Variants in AMPD3 observed in about 807,000 individuals in gnomAD.
AMPD3 encodes AMP deaminase 3.
Under a neutral mutation model 82.3 loss-of-function variants are expected in AMPD3, and 57 were observed. The ratio of observed to expected loss-of-function variants is 0.69; its 90% CI spans 0.56 to 0.86. The LOEUF is 0.86. AMPD3 is among the 40% of genes least tolerant of loss of function. The pLI is 0.00. For synonymous variants in AMPD3, 381 were observed against 394.7 expected (o/e 0.97, Z 0.41); for missense variants, 870 against 1,003.8 (o/e 0.87, Z 1.80).
At position 10,505,963 on chromosome 11, in the gene AMPD3, C is replaced by A; in HGVS notation, c.*79C>A. 1 of 1,541,214 alleles carries A rather than the reference C, an allele frequency of 6.5e-7. No homozygotes were observed. The highest frequency in any genetic ancestry group is 8.9e-7 in the Non-Finnish European group (1 of 1,120,130). On this transcript the variant is annotated 3_prime_UTR_variant, in exon 15 of 15. Transcript: ENST00000396553. ...GGCTAATAGTGGTCAAGATTCCGAACTAGGACTTTCCTCTGTGAAGAGGAT... is the reference window on the plus strand; with the variant it reads ...GGCTAATAGTGGTCAAGATTCCGAAATAGGACTTTCCTCTGTGAAGAGGAT...
At chr11:10,457,916 G>A (rs1449650394) in intron 1 of AMPD3, among the ~76,000 whole-genome samples, 1 of 148,780 alleles carries the variant, frequency 6.7e-6, no homozygotes, top group Non-Finnish European at 1.5e-5. Context: ...ATAAATGCAT[G>A]CTTCATGAGC....
chr11:10,503,883 C>G (rs1423337653), intron 13 of AMPD3: 2 of 878,752 alleles, frequency 2.3e-6, no homozygotes, highest in Admixed American at 6.2e-5. Context: ...TCTTAGGACC[C>G]TCAGGGGTCC....
chr11:10,464,592 G>A (rs888477531), intron 2 of AMPD3, among the ~76,000 whole-genome samples: 7 of 152,108 alleles, frequency 4.6e-5, no homozygotes, highest in Non-Finnish European at 1.0e-4. Context: ...CAAAGCTCCC[G>A]CTCTGTCCAT....
upstream of AMPD3, among the ~76,000 whole-genome samples, chr11:10,453,802 T>C (rs1848018645): frequency 6.6e-6 from 1 of 152,108 alleles, no homozygotes; most frequent in African/African-American, 2.4e-5. Context: ...TTGGCTAGGA[T>C]GGTCTCAATC....
At position 10,482,189 on chromosome 11, in the gene AMPD3, C is replaced by A. The variant is rs11042836; in HGVS notation, c.553C>A (p.Arg185=). The change falls in exon 4 of 15, where the codon CGG becomes AGG. Residue 185 remains arginine (R), a synonymous_variant. Coordinates refer to ENST00000396553, the MANE Select transcript of AMPD3 (RefSeq NM_001025389.2). ...CACATCCCAGTACCTGGGTCATCCG[C>A]GGGCGGATACTGCACCTCCGGAAGA... ...RITSQYLGHP[R]ADTAPPEEGL... The A allele has an allele frequency of 6.2e-7, 1 of 1,613,274 alleles. No homozygotes were observed. Among genetic ancestry groups the A allele is most frequent in the Admixed American group, 1.7e-5 (1 of 60,030 alleles).
At chr11:10,467,814 A>G (rs999256173) in intron 2 of AMPD3, among the ~76,000 whole-genome samples, 2 of 152,240 alleles carry the variant, frequency 1.3e-5, no homozygotes, top group Non-Finnish European at 2.9e-5. Context: ...CTAACAGCAG[A>G]TCTCTCTGCA....
intron 2 of AMPD3, among the ~76,000 whole-genome samples, chr11:10,471,933 A>G (rs1466874070): frequency 7.2e-5 from 11 of 152,220 alleles, no homozygotes; most frequent in Middle Eastern, 3.2e-3. Context: ...TTGACCCAGC[A>G]ATCCCATTAC....
chr11:10,461,104 A>ATCTC, intron 1 of AMPD3: 4 of 1,181,208 alleles, frequency 3.4e-6, no homozygotes, highest in Admixed American at 3.8e-5. Flanking sequence ...TGGGGGAGTG[A>ATCTC]GGTTTGATTA....
chr11:10,485,161 G>A lies in AMPD3; in HGVS notation c.809+122G>A, dbSNP rs184094851. The A allele has an allele frequency of 1.1e-5, 10 of 892,692 alleles. No individual in the cohort carries two copies. The East Asian group carries it at 1.3e-4, about 12-fold the overall frequency. The allele number at this position is 892,692 out of a possible 1,614,324, so 55.3% of individuals were successfully genotyped here. On this transcript the variant is annotated intron_variant, in intron 5 of 14. Transcript: ENST00000396553. ...GTACTTAAAGCATCCCAGAAAGAGC[G>A]CGGTTTCTCCTTTCCTCAGTGCTTT...
intron 3 of AMPD3, among the ~76,000 whole-genome samples, chr11:10,479,581 A>T (rs1388958194): frequency 6.6e-6 from 1 of 152,254 alleles, no homozygotes; most frequent in African/African-American, 2.4e-5. Flanking sequence ...GGTATCAATT[A>T]TTCAGCCACC....
At chr11:10,472,939 G>A (rs1418186058) in intron 2 of AMPD3, among the ~76,000 whole-genome samples, 1 of 152,156 alleles carries the variant, frequency 6.6e-6, no homozygotes, top group Non-Finnish European at 1.5e-5. Flanking sequence ...GAGAGTCAAA[G>A]GTTTCAGAAA....
chr11:10,495,935 G>C lies in AMPD3; in HGVS notation c.1430+202G>C, dbSNP rs201020116. On this transcript the variant is annotated intron_variant, in intron 9 of 14. Coordinates refer to ENST00000396553, the MANE Select transcript of AMPD3 (RefSeq NM_001025389.2). ...AGAGCTCTTTTTTTTTTTTTTTTTT[G>C]AGACAGAGTCTCACTCTGTCACCCA... is the stretch of plus-strand genomic sequence containing the variant. Among the ~76,000 whole-genome samples the C allele has an allele frequency of 6.3e-5, 5 of 79,988 alleles. No individual in the cohort carries two copies. In the South Asian group the frequency reaches 2.2e-3, roughly 35 times the overall value. 52.5% of individuals were successfully genotyped at this position (79,988 alleles called of 152,430 possible). A position where few individuals can be genotyped will look rare whatever the true frequency, so the allele number is the denominator to read the frequency against.
chr11:10,499,702 C>T (rs565515278), intron 10 of AMPD3: 41 of 985,192 alleles, frequency 4.2e-5, no homozygotes, highest in Non-Finnish European at 4.7e-5. Flanking sequence ...CATCGCTTGT[C>T]GCTGCTGCTG....
intron 2 of AMPD3, among the ~76,000 whole-genome samples, chr11:10,471,428 G>A (rs1848586456): frequency 1.3e-5 from 2 of 152,146 alleles, no homozygotes; most frequent in Admixed American, 1.3e-4. Flanking sequence ...AAAAGCCATG[G>A]CAACAAAAGC....
At chr11:10,457,787 C>A (rs766783796) in intron 1 of AMPD3, among the ~76,000 whole-genome samples, 1 of 152,100 alleles carries the variant, frequency 6.6e-6, no homozygotes, top group African/African-American at 2.4e-5. Context: ...CCCAGCTACT[C>A]GGGAGGCTGA....
chr11:10,497,232 T>C (rs1461459211), intron 10 of AMPD3, among the ~76,000 whole-genome samples: 1 of 151,776 alleles, frequency 6.6e-6, no homozygotes, highest in Non-Finnish European at 1.5e-5. Context: ...ACTCGGTTCC[T>C]GCCAGGTGGG....
chr11:10,497,903 C>T (rs1156430486), intron 10 of AMPD3: 12 of 935,724 alleles, frequency 1.3e-5, no homozygotes, highest in Non-Finnish European at 1.5e-5. Context: ...TAACAGTAAG[C>T]GGAATTATTA....
chr11:10,484,442 A>G (rs1849003904), intron 4 of AMPD3: 2 of 985,330 alleles, frequency 2.0e-6, no homozygotes, highest in African/African-American at 3.5e-5. Context: ...GCTCTTTTTA[A>G]TATTCCTGGA....
At chr11:10,459,612 T>A (rs1321854385) in intron 1 of AMPD3, among the ~76,000 whole-genome samples, 2 of 152,154 alleles carry the variant, frequency 1.3e-5, no homozygotes, top group East Asian at 3.9e-4. Flanking sequence ...TTAAACCAAC[T>A]TTAAAGAAAC....
Sources: gnomAD v4.1 joint callset for allele counts (sites outside exome capture counted in the v4.1 genomes callset) on GRCh38, gnomAD v4.1.1 for gene constraint, MANE v1.5 for transcripts, NCBI Gene and HGNC (gene_info 2026-07-23, HGNC 2026-07-21) for gene names.